GNAQ: variants seen among roughly 807,000 people sequenced by gnomAD.
GNAQ encodes G protein subunit alpha q.
Under a neutral mutation model 43.9 loss-of-function variants are expected in GNAQ, and 8 were observed. The ratio of observed to expected loss-of-function variants is 0.18; its 90% confidence interval spans 0.11 to 0.33. The LOEUF (loss-of-function observed/expected upper bound fraction) is 0.33. GNAQ is among the 10% of genes least tolerant of loss of function. The pLI is 1.00. For synonymous variants in GNAQ, 155 were observed against 170.7 expected (o/e 0.91, Z 0.71); for missense variants, 158 against 450.8 (o/e 0.35, Z 5.88).
chr9:77,935,447 A>T (rs1829217145), intron 1 of GNAQ, among the ~76,000 whole-genome samples: 1 of 152,218 alleles, frequency 6.6e-6, no homozygotes, highest in South Asian at 2.1e-4. Context: ...AAAACAAAAA[A>T]TTTTTTAAGA....
intron 2 of GNAQ, among the ~76,000 whole-genome samples, chr9:77,903,454 G>A (rs1023906759): frequency 1.3e-5 from 2 of 152,152 alleles, no homozygotes; most frequent in African/African-American, 2.4e-5. Flanking sequence ...GAGGAAAATG[G>A]AAAATGTTTA....
At chr9:77,760,889 C>T (rs1277950244) in intron 5 of GNAQ, among the ~76,000 whole-genome samples, 2 of 148,634 alleles carry the variant, frequency 1.3e-5, no homozygotes, top group East Asian at 2.1e-4. Context: ...AGTGCCTCTG[C>T]CCGGTCGCGA....
chr9:77,842,091 G>A (rs1827501362), intron 2 of GNAQ, among the ~76,000 whole-genome samples: 1 of 152,200 alleles, frequency 6.6e-6, no homozygotes, highest in East Asian at 1.9e-4. Context: ...CCTCTAGGGG[G>A]AGTTCTCTGC....
chr9:77,779,585 C>T (rs1279631558), intron 5 of GNAQ, among the ~76,000 whole-genome samples: 1 of 142,170 alleles, frequency 7.0e-6, no homozygotes, highest in Non-Finnish European at 1.5e-5. Context: ...AAATTGAAAA[C>T]AGGAAATCAA....
chr9:78,000,373 A>G (rs1823628866), intron 1 of GNAQ, among the ~76,000 whole-genome samples: 1 of 152,180 alleles, frequency 6.6e-6, no homozygotes, highest in Admixed American at 6.5e-5. Context: ...CACACATATC[A>G]TTAAGAAAGA....
intron 1 of GNAQ, among the ~76,000 whole-genome samples, chr9:77,932,653 G>A (rs1308512958): frequency 1.3e-5 from 2 of 152,128 alleles, no homozygotes; most frequent in Non-Finnish European, 2.9e-5. Flanking sequence ...CACAGCAGCT[G>A]GATGGCAGAG....
chr9:78,018,169 T>C lies in GNAQ; in HGVS notation c.136+12931A>G, dbSNP rs1193156107. On this transcript the variant is annotated intron_variant, in intron 1 of 6. Coordinates refer to ENST00000286548, the MANE Select transcript of GNAQ (RefSeq NM_002072.5). ...TAAAATGAAATCATTGGGAGAAACC[T>C]AAATGTACAAAAAAAAAAGAGTAAA... Among the ~76,000 whole-genome samples the C allele has an allele frequency of 6.0e-5, 9 of 150,198 alleles. No individual in the cohort carries two copies. In the East Asian group the frequency reaches 1.7e-3, roughly 29 times the overall value.
At chr9:77,943,532 C>T (rs1829344036) in intron 1 of GNAQ, among the ~76,000 whole-genome samples, 1 of 152,060 alleles carries the variant, frequency 6.6e-6, no homozygotes, top group Non-Finnish European at 1.5e-5. Context: ...AAAGTGTCTT[C>T]TCTTTCTATA....
chr9:77,815,596 C>T lies in GNAQ; in HGVS notation c.476+20G>A, dbSNP rs756593326. 3 of 1,553,896 alleles carry T rather than the reference C, an allele frequency of 1.9e-6. No homozygotes were observed. In the South Asian group the frequency reaches 3.5e-5, roughly 18 times the overall value. On this transcript the variant is annotated intron_variant, in intron 3 of 6. Coordinates refer to ENST00000286548, the MANE Select transcript of GNAQ (RefSeq NM_002072.5). ...GAAGTAAAGAGAAAAATCCATAGGG[C>T]CACCTGGAAAGATACTCACTATTTG...
intron 2 of GNAQ, among the ~76,000 whole-genome samples, chr9:77,866,429 T>A (rs1468140917): frequency 6.6e-6 from 1 of 152,078 alleles, no homozygotes; most frequent in African/African-American, 2.4e-5. Context: ...GTAAGCTGAG[T>A]ACTGTCTCAA....
intron 1 of GNAQ, among the ~76,000 whole-genome samples, chr9:78,020,968 T>G (rs2118603870): frequency 6.6e-6 from 1 of 151,962 alleles, no homozygotes; most frequent in South Asian, 2.1e-4. Flanking sequence ...TCTCCAGAAC[T>G]AGCATGAGAG....
intron 1 of GNAQ, among the ~76,000 whole-genome samples, chr9:77,963,680 A>G (rs886540838): frequency 6.6e-6 from 1 of 152,188 alleles, no homozygotes; most frequent in Non-Finnish European, 1.5e-5. Flanking sequence ...TGAAGGGCCA[A>G]AGAACACCAA....
chr9:78,028,294 G>A (rs1481780144), intron 1 of GNAQ, among the ~76,000 whole-genome samples: 2 of 151,944 alleles, frequency 1.3e-5, no homozygotes, highest in Non-Finnish European at 2.9e-5. Context: ...CAGGGTTCAC[G>A]TTTCTAAAGT....
intron 1 of GNAQ, among the ~76,000 whole-genome samples, chr9:77,980,950 G>C (rs752654235): frequency 6.6e-6 from 1 of 152,092 alleles, no homozygotes; most frequent in Non-Finnish European, 1.5e-5. Flanking sequence ...GCTTTCATCT[G>C]CTTAATCCAT....
chr9:77,733,569 A>G (rs571618978), intron 5 of GNAQ, among the ~76,000 whole-genome samples: 2 of 152,264 alleles, frequency 1.3e-5, no homozygotes, highest in Non-Finnish European at 2.9e-5. Context: ...AACTTCCCCA[A>G]GCAGTTCTTT....
intron 2 of GNAQ, among the ~76,000 whole-genome samples, chr9:77,872,386 T>C (rs1391196879): frequency 6.6e-6 from 1 of 152,210 alleles, no homozygotes; most frequent in Admixed American, 6.5e-5. Flanking sequence ...ATCTCAACTG[T>C]GGCTTTCCCT....
intron 5 of GNAQ, among the ~76,000 whole-genome samples, chr9:77,767,558 G>A (rs1826156730): frequency 6.6e-6 from 1 of 152,206 alleles, no homozygotes; most frequent in South Asian, 2.1e-4. Flanking sequence ...CAGGGTATAA[G>A]ACTAAGCACT....
At chr9:77,998,733 T>C (rs1823607420) in intron 1 of GNAQ, among the ~76,000 whole-genome samples, 1 of 152,314 alleles carries the variant, frequency 6.6e-6, no homozygotes, top group South Asian at 2.1e-4. Context: ...TAGTATTTTT[T>C]ATACTATGTG....
chr9:77,812,176 C>T (rs1475193232), intron 3 of GNAQ, among the ~76,000 whole-genome samples: 2 of 152,098 alleles, frequency 1.3e-5, no homozygotes, highest in Non-Finnish European at 2.9e-5. Context: ...TTTTACAAAT[C>T]CCAATGGAAT....
Sources: gnomAD v4.1 joint callset for allele counts (sites outside exome capture counted in the v4.1 genomes callset) on GRCh38, gnomAD v4.1.1 for gene constraint, MANE v1.5 for transcripts, NCBI Gene and HGNC (gene_info 2026-07-23, HGNC 2026-07-21) for gene names.